The following TGM4 variants were observed in gnomAD, a reference collection of about 807,000 sequenced individuals.
TGM4 encodes the protein transglutaminase 4, also known as protein-glutamine gamma-glutamyltransferase 4.
Under a neutral mutation model 76.3 loss-of-function variants are expected in TGM4, and 61 were observed. The ratio of observed to expected loss-of-function variants is 0.80; its 90% CI spans 0.65 to 0.99. The LOEUF is 0.99. TGM4 is among the 50% of genes least tolerant of loss of function. TGM4 has a pLI of 0.00. For synonymous variants in TGM4, 337 were observed against 329.8 expected, an observed-to-expected ratio of 1.02 and a Z score of -0.24; for missense variants, 794 against 843.2, an observed-to-expected ratio of 0.94 and a Z score of 0.72.
Position 44,910,338 on chromosome 3 carries a change from C to T in TGM4, c.1576C>T (p.Leu526Phe), listed in dbSNP as rs1287521890. The change falls in exon 11 of 14, where the codon CTC (leucine) becomes TTC (phenylalanine). Residue 526 changes from leucine (L) to phenylalanine (F), a missense_variant. Coordinates refer to ENST00000296125, the MANE Select transcript of TGM4 (RefSeq NM_003241.4). ...CAAGAAGATGGCAAAACTGTGTGAC[C>T]TCAATAAGACCTCGCAGATCCAAGG... is the stretch of plus-strand genomic sequence containing the variant. The part of the protein sequence containing the change: ...TGKKMAKLCD[L>F]NKTSQIQGQV... 6.2e-7 allele frequency: 1 copy of T among 1,614,020 alleles called. No homozygotes were observed. The highest frequency in any genetic ancestry group is 2.2e-5 in the East Asian group (1 of 44,890).
intron 13 of TGM4, among the ~76,000 whole-genome samples, chr3:44,913,043 C>T (rs930794413): frequency 1.3e-5 from 2 of 152,162 alleles, no homozygotes; most frequent in African/African-American, 4.8e-5. Flanking sequence ...TTTCCTTAGA[C>T]CACGATTTAT....
chr3:44,896,411 T>C (rs552334483), intron 5 of TGM4, among the ~76,000 whole-genome samples: 88 of 152,258 alleles, frequency 5.8e-4, no homozygotes, highest in African/African-American at 2.1e-3. Flanking sequence ...GCACCCGGCC[T>C]GTTTCATTTA....
At chr3:44,895,103 G>A (rs987517743) in intron 5 of TGM4, among the ~76,000 whole-genome samples, 1 of 151,682 alleles carries the variant, frequency 6.6e-6, no homozygotes. Context: ...AGATCATCCT[G>A]GCTAACACAG....
intron 5 of TGM4, 89 bp from the exon 6 acceptor site, chr3:44,896,620 T>C: frequency 8.3e-7 from 1 of 1,204,130 alleles, no homozygotes; most frequent in Non-Finnish European, 1.2e-6. Flanking sequence ...CGCTACAGGG[T>C]GGCTGTGACA....
intron 1 of TGM4, among the ~76,000 whole-genome samples, chr3:44,878,233 A>G (rs762531512): frequency 3.3e-5 from 5 of 151,608 alleles, no homozygotes; most frequent in Non-Finnish European, 2.9e-5. Context: ...CATGTGTGTG[A>G]GAGAGAGAGG....
In TGM4 at chr3:44,876,510, T is replaced by C. The variant is rs1699453649; in HGVS notation, c.19+1813T>C. 5 of 152,212 alleles carry C rather than the reference T, an allele frequency of 3.3e-5. No homozygotes were observed. In the South Asian group the frequency reaches 1.0e-3, roughly 32 times the overall value. The allele number at this position is 152,212 out of a possible 1,614,324, so 9.4% of individuals were successfully genotyped here. On this transcript the variant is annotated intron_variant, in intron 1 of 13. Coordinates refer to ENST00000296125, the MANE Select transcript of TGM4 (RefSeq NM_003241.4). ...TAGGATTTCATATAAATGGAGGAAA[T>C]GAGAAATTGTGCACTTTATGGTATT...
At chr3:44,885,524 G>T in intron 2 of TGM4, 26 bp downstream of exon 2, 1 of 1,596,976 alleles carries the variant, frequency 6.3e-7, no homozygotes, top group Non-Finnish European at 8.6e-7. Flanking sequence ...CCTACTCATG[G>T]GGCTTTGGGG....
At chr3:44,888,809 G>C (rs1256605385) in intron 3 of TGM4, 1 of 152,078 alleles carries the variant, frequency 6.6e-6, no homozygotes, top group East Asian at 1.9e-4. Context: ...GTTCTCCTGA[G>C]CTCCATTGTA....
intron 9 of TGM4, 108 bp downstream of exon 9, chr3:44,904,095 A>G (rs1699891013): frequency 1.0e-6 from 1 of 999,646 alleles, no homozygotes; most frequent in Admixed American, 2.1e-5. Flanking sequence ...AAGTTTTCAT[A>G]AAAATTTCCC....
chr3:44,900,356 T>C (rs1415582938), intron 6 of TGM4, among the ~76,000 whole-genome samples: 4 of 152,198 alleles, frequency 2.6e-5, no homozygotes, highest in Non-Finnish European at 5.9e-5. Context: ...GTCTGACCAC[T>C]CTTGAGTCTG....
At chr3:44,893,376 C>T (rs1015874916) in intron 4 of TGM4, among the ~76,000 whole-genome samples, 13 of 152,126 alleles carry the variant, frequency 8.5e-5, no homozygotes, top group African/African-American at 3.1e-4. Context: ...TCCAGATTTT[C>T]CCAGGGGAAG....
intron 10 of TGM4, among the ~76,000 whole-genome samples, chr3:44,907,435 AC>A (rs1699940280): frequency 6.6e-6 from 1 of 152,042 alleles, no homozygotes; most frequent in East Asian, 1.9e-4. Flanking sequence ...GTGAGCTATG[AC>A]CATGCCACTG....
At chr3:44,907,399 C>T (rs1301067956) in intron 10 of TGM4, among the ~76,000 whole-genome samples, 199 bp downstream of exon 10, 2 of 151,808 alleles carry the variant, frequency 1.3e-5, no homozygotes, top group Non-Finnish European at 2.9e-5. Flanking sequence ...GGGAGGACTG[C>T]TTGAGCCAGG....
Position 44,876,344 on chromosome 3 carries a change from A to G in TGM4, c.19+1647A>G, listed in dbSNP as rs537537318. On this transcript the variant is annotated intron_variant, in intron 1 of 13. Coordinates refer to ENST00000296125, the MANE Select transcript of TGM4 (RefSeq NM_003241.4). The stretch of plus-strand genomic sequence containing the variant: ...ATGGGCTTGTGCAAGTAACCATCAC[A>G]TGCCACCTTACAACATTAGCAAGTT... The G allele has an allele frequency of 8.5e-5, 13 of 152,362 alleles. No individual in the cohort carries two copies. The South Asian group carries it at 2.3e-3, about 27-fold the overall frequency. The allele number at this position is 152,362 out of a possible 1,614,324, so 9.4% of individuals were successfully genotyped here. A position where few individuals can be genotyped will look rare whatever the true frequency, so the allele number is the denominator to read the frequency against.
chr3:44,907,798 A>T (rs576909451), intron 10 of TGM4, among the ~76,000 whole-genome samples: 1 of 152,206 alleles, frequency 6.6e-6, no homozygotes, highest in East Asian at 1.9e-4. Flanking sequence ...TCTGTTCTTG[A>T]TGTTCCTCAA....
chr3:44,885,256 C>A, intron 1 of TGM4, 69 bp from the exon 2 acceptor site: 2 of 1,479,722 alleles, frequency 1.4e-6, no homozygotes, highest in South Asian at 1.4e-5. Flanking sequence ...GATTTTGAAC[C>A]CAGAAAGAGG....
rs768311392 is a variant in TGM4 at position 44,903,963 on chromosome 3, G to A, written c.1051G>A (p.Ala351Thr). ...CTACGACGGCTGGCAGGCTGTGGAC[G>A]CAACGCCGCAGGAGCGAAGCCAGGG... is the stretch of plus-strand genomic sequence containing the variant. ...KGYDGWQAVD[A>T]TPQERSQGVF... The change falls in exon 9 of 14, where the codon GCA (alanine) becomes ACA (threonine). Residue 351 changes from alanine to threonine, a missense_variant. By Grantham distance (58) the Ala-to-Thr change is moderately conservative. Coordinates refer to ENST00000296125, the MANE Select transcript of TGM4 (RefSeq NM_003241.4). The A allele has an allele frequency of 1.3e-5, 21 of 1,613,936 alleles. No homozygotes were observed. The highest frequency in any genetic ancestry group is 1.6e-4 in the Middle Eastern group (1 of 6,084).
chr3:44,910,045 C>T, intron 10 of TGM4, 45 bp from the exon 11 acceptor site: 1 of 1,587,526 alleles, frequency 6.3e-7, no homozygotes, highest in South Asian at 1.2e-5. Context: ...GACATTTGGT[C>T]CTTGAAGGAG....
At chr3:44,884,337 T>C (rs1263021030) in intron 1 of TGM4, among the ~76,000 whole-genome samples, 2 of 151,956 alleles carry the variant, frequency 1.3e-5, no homozygotes, top group East Asian at 3.9e-4. Context: ...AGGGGAGGGG[T>C]TTGGGTCTCA....
Sources: gnomAD v4.1 joint callset for allele counts (sites outside exome capture counted in the v4.1 genomes callset) on GRCh38, gnomAD v4.1.1 for gene constraint, MANE v1.5 for transcripts, NCBI Gene and HGNC (gene_info 2026-07-23, HGNC 2026-07-21) for gene names.